The following PRELID2 variants were observed in gnomAD, a reference collection of about 807,000 sequenced individuals.
The protein encoded by PRELID2 is PRELI domain containing 2.
In PRELID2, 25 loss-of-function variants were observed where a neutral mutation model predicts 28.4. The ratio of observed to expected loss-of-function variants is 0.88; its 90% CI spans 0.64 to 1.23. PRELID2 has a LOEUF of 1.23. Ranked by LOEUF, PRELID2 falls within the 50% of genes most tolerant of loss-of-function variation. The pLI, the probability that PRELID2 is intolerant of heterozygous loss-of-function variation, is 0.00. For synonymous variants in PRELID2, 76 were observed against 71.6 expected, an observed-to-expected ratio of 1.06 and a Z score of -0.31; for missense variants, 201 against 214.4, an observed-to-expected ratio of 0.94 and a Z score of 0.39.
rs10055992 is a variant in PRELID2 at position 145,815,397 on chromosome 5, G to A, written c.368+2497C>T. ...GCATGTCCTGAGAATCAGCTATATC[G>A]TTTTCTGTATTGAGATATAATTCAC... On this transcript the variant is annotated intron_variant, in intron 4 of 6. Coordinates refer to ENST00000683046, the MANE Select transcript of PRELID2 (RefSeq NM_205846.3). Among the ~76,000 whole-genome samples, 1,065 of 152,242 alleles carry A rather than the reference G, an allele frequency of 7.0e-3. 14 individuals carry two copies. The highest frequency in any genetic ancestry group is 0.024 in the African/African-American group (1,008 of 41,542).
At chr5:145,740,265 AATATATATATAT>A (rs70998029) in intron 1 of PRELID2, among the ~76,000 whole-genome samples, 1,343 of 40,492 alleles carry the variant, frequency 0.033, 34 homozygotes, top group South Asian at 0.058. Flanking sequence ...GGATTTATCA[AATATATATATAT>A]ATATATATAT....
At chr5:145,647,587 A>G (rs1327263603) in intron 1 of PRELID2, among the ~76,000 whole-genome samples, 1 of 152,142 alleles carries the variant, frequency 6.6e-6, no homozygotes, top group African/African-American at 2.4e-5. Context: ...ATAAATAAAT[A>G]AATAACAACT....
chr5:145,382,876 T>C, the PRELID2 span, among the ~76,000 whole-genome samples: 2 of 151,788 alleles, frequency 1.3e-5, no homozygotes, highest in Admixed American at 1.3e-4. Context: ...ATTTGAAATT[T>C]TAAAAATAAA....
chr5:145,755,278 C>A (rs558917118), downstream of PRELID2, among the ~76,000 whole-genome samples: 5 of 152,250 alleles, frequency 3.3e-5, no homozygotes, highest in East Asian at 9.7e-4. Context: ...ACAACATCTG[C>A]TTATTATGAG....
chr5:145,528,904 A>T (rs987259617), intron 1 of PRELID2, among the ~76,000 whole-genome samples: 4 of 152,154 alleles, frequency 2.6e-5, no homozygotes, highest in African/African-American at 9.6e-5. Flanking sequence ...AATGGGAAAA[A>T]AGAGTAACTT....
the PRELID2 span, among the ~76,000 whole-genome samples, chr5:145,357,567 G>C: frequency 2.6e-5 from 4 of 152,246 alleles, no homozygotes; most frequent in African/African-American, 9.6e-5. Flanking sequence ...AATTCTTGAA[G>C]TGAGTTGAGT....
intron 1 of PRELID2, among the ~76,000 whole-genome samples, chr5:145,619,146 C>T (rs754104090): frequency 6.6e-6 from 1 of 152,204 alleles, no homozygotes; most frequent in African/African-American, 2.4e-5. Flanking sequence ...GTTCTTCCCC[C>T]ACGTGTGGAG....
At chr5:145,275,213 T>G in the PRELID2 span, among the ~76,000 whole-genome samples, 12 of 152,134 alleles carry the variant, frequency 7.9e-5, no homozygotes, top group Non-Finnish European at 1.5e-4. Context: ...ACTTACTCTG[T>G]GCAGGGCATT....
intron 1 of PRELID2, among the ~76,000 whole-genome samples, chr5:145,607,753 T>C (rs1398845069): frequency 6.6e-6 from 1 of 152,156 alleles, no homozygotes; most frequent in Non-Finnish European, 1.5e-5. Context: ...ATATGTCTGT[T>C]AGGCCTATTT....
At chr5:145,750,981 G>A (rs1039737594) in intron 1 of PRELID2, among the ~76,000 whole-genome samples, 6 of 152,076 alleles carry the variant, frequency 3.9e-5, no homozygotes, top group South Asian at 2.1e-4. Context: ...GAGATGTTGC[G>A]GTATAGAGGT....
intron 1 of PRELID2, among the ~76,000 whole-genome samples, chr5:145,552,541 G>T (rs904598396): frequency 6.6e-6 from 1 of 151,928 alleles, no homozygotes; most frequent in Non-Finnish European, 1.5e-5. Flanking sequence ...CCCTGCCTCA[G>T]TTTGAATGAG....
chr5:145,658,318 C>A (rs1341092496), intron 1 of PRELID2, among the ~76,000 whole-genome samples: 1 of 152,152 alleles, frequency 6.6e-6, no homozygotes, highest in Non-Finnish European at 1.5e-5. Context: ...ACAGACCCAG[C>A]CCTAGACCCC....
chr5:145,588,879 T>C (rs1187502844), intron 1 of PRELID2, among the ~76,000 whole-genome samples: 4 of 141,114 alleles, frequency 2.8e-5, no homozygotes, highest in Non-Finnish European at 6.4e-5. Flanking sequence ...TTTTTATTGG[T>C]AAAAAAAAAA....
the PRELID2 span, among the ~76,000 whole-genome samples, chr5:145,400,693 G>A: frequency 6.6e-6 from 1 of 152,066 alleles, no homozygotes; most frequent in African/African-American, 2.4e-5. Context: ...GGGAAGGAGG[G>A]TGTCTGGCTT....
intron 1 of PRELID2, among the ~76,000 whole-genome samples, chr5:145,485,787 T>C (rs1441835327): frequency 6.6e-6 from 1 of 152,180 alleles, no homozygotes; most frequent in Non-Finnish European, 1.5e-5. Context: ...AATTAAGCTG[T>C]TTATGGTTAT....
the PRELID2 span, among the ~76,000 whole-genome samples, chr5:145,382,824 T>C: frequency 5.9e-4 from 89 of 151,916 alleles, 1 homozygote; most frequent in East Asian, 0.016. Flanking sequence ...AATATATCCA[T>C]GTAACAAACT....
chr5:145,229,301 G>T, the PRELID2 span: 1 of 749,400 alleles, frequency 1.3e-6, no homozygotes, highest in Non-Finnish European at 2.5e-6. Flanking sequence ...TGACCTGATG[G>T]AATATGCAAA....
intron 1 of PRELID2, among the ~76,000 whole-genome samples, chr5:145,680,322 T>C (rs1206420499): frequency 6.6e-6 from 1 of 152,224 alleles, no homozygotes; most frequent in African/African-American, 2.4e-5. Context: ...GGGATATCTT[T>C]GTGGATGATG....
intron 3 of PRELID2, 71 bp from the exon 4 acceptor site, chr5:145,818,125 T>G: frequency 6.7e-7 from 1 of 1,502,808 alleles, no homozygotes; most frequent in Non-Finnish European, 9.1e-7. Flanking sequence ...CATCCAGAGT[T>G]ACTCTCAGTC....
Sources: allele counts gnomAD v4.1 joint callset (sites outside exome capture counted in the v4.1 genomes callset), GRCh38; gene constraint gnomAD v4.1.1; transcripts MANE v1.5; gene names NCBI Gene and HGNC (gene_info 2026-07-23, HGNC 2026-07-21).